Variants in RBFOX1 observed in about 807,000 individuals in gnomAD.
RBFOX1 encodes the protein RNA binding protein fox-1 homolog 1.
A neutral mutation model predicts 57.7 loss-of-function variants in RBFOX1; 8 were observed. The observed-to-expected ratio is 0.14, with a 90% confidence interval of 0.08 to 0.25. The LOEUF (loss-of-function observed/expected upper bound fraction) is 0.25. RBFOX1 is among the 10% of genes least tolerant of loss of function. RBFOX1 has a pLI of 1.00. For missense variants in RBFOX1, 611 were observed against 548.5 expected, an observed-to-expected ratio of 1.11 and a Z score of -1.14; for synonymous variants, 326 against 222.4, an observed-to-expected ratio of 1.47 and a Z score of -4.15.
At chr16:6,347,125 T>G (rs1390390146) in intron 2 of RBFOX1, among the ~76,000 whole-genome samples, 2 of 152,012 alleles carry the variant, frequency 1.3e-5, no homozygotes, top group Non-Finnish European at 2.9e-5. Context: ...TCTTCAAGAG[T>G]AAGTGGGTCT....
intron 1 of RBFOX1, among the ~76,000 whole-genome samples, chr16:5,286,324 G>A (rs1445933123): frequency 2.6e-5 from 4 of 152,096 alleles, no homozygotes; most frequent in Admixed American, 2.6e-4. Flanking sequence ...CTCCTGGGTG[G>A]TGTGTGTGGC....
chr16:6,375,681 G>C (rs976843132), intron 2 of RBFOX1, among the ~76,000 whole-genome samples: 1 of 152,102 alleles, frequency 6.6e-6, no homozygotes, highest in Non-Finnish European at 1.5e-5. Flanking sequence ...TGGGAACCCG[G>C]AGGCGCATCT....
intron 4 of RBFOX1, among the ~76,000 whole-genome samples, chr16:7,071,585 ATATGTGTG>A (rs768133933): frequency 2.5e-5 from 2 of 78,786 alleles, no homozygotes; most frequent in Admixed American, 1.3e-4. Flanking sequence ...ATTTGCCCAG[ATATGTGTG>A]TGTGTGTGTG....
chr16:6,356,866 T>A (rs1274896520), intron 2 of RBFOX1, among the ~76,000 whole-genome samples: 1 of 152,120 alleles, frequency 6.6e-6, no homozygotes, highest in Non-Finnish European at 1.5e-5. Context: ...ATGTGGGAAC[T>A]CTCTGTACTC....
At chr16:7,139,050 T>C (rs1414082994) in intron 4 of RBFOX1, among the ~76,000 whole-genome samples, 3 of 152,080 alleles carry the variant, frequency 2.0e-5, no homozygotes, top group Non-Finnish European at 4.4e-5. Flanking sequence ...GTGATCTGCC[T>C]TCCTTGCCCT....
chr16:7,176,405 G>C (rs1441575938), intron 4 of RBFOX1, among the ~76,000 whole-genome samples: 8 of 152,006 alleles, frequency 5.3e-5, no homozygotes, highest in African/African-American at 1.9e-4. Context: ...ACCACACACA[G>C]TTAAGATATT....
At chr16:5,817,323 A>C (rs1440066238) in intron 3 of RBFOX1, among the ~76,000 whole-genome samples, 1 of 152,194 alleles carries the variant, frequency 6.6e-6, no homozygotes, top group East Asian at 1.9e-4. Context: ...ATTTCTTCTT[A>C]AAGCGAGCTT....
At chr16:6,530,185 G>C (rs533616049) in intron 2 of RBFOX1, among the ~76,000 whole-genome samples, 1 of 152,200 alleles carries the variant, frequency 6.6e-6, no homozygotes, top group South Asian at 2.1e-4. Context: ...TATGACTTTG[G>C]AGCATTTTTT....
chr16:6,353,533 A>C (rs1312542668), intron 2 of RBFOX1, among the ~76,000 whole-genome samples: 2 of 152,024 alleles, frequency 1.3e-5, no homozygotes, highest in Admixed American at 1.3e-4. Context: ...GGATGGTCTC[A>C]GGAGACTTTG....
intron 3 of RBFOX1, among the ~76,000 whole-genome samples, chr16:5,618,080 C>A (rs142983954): frequency 2.1e-4 from 32 of 152,308 alleles, no homozygotes; most frequent in African/African-American, 7.0e-4. Context: ...CTGTGTATCT[C>A]TGGATTACTA....
intron 3 of RBFOX1, among the ~76,000 whole-genome samples, chr16:6,810,279 G>T (rs1040878737): frequency 6.6e-6 from 1 of 151,920 alleles, no homozygotes; most frequent in African/African-American, 2.4e-5. Context: ...GATTCAAATT[G>T]GTCTGTCACT....
intron 4 of RBFOX1, among the ~76,000 whole-genome samples, chr16:5,986,355 C>T (rs1034989277): frequency 2.0e-5 from 3 of 152,202 alleles, no homozygotes; most frequent in African/African-American, 4.8e-5. Context: ...TGAGCCATCG[C>T]GTCCAGACTG....
intron 2 of RBFOX1, among the ~76,000 whole-genome samples, chr16:6,563,149 G>C (rs976474247): frequency 6.6e-5 from 10 of 152,026 alleles, no homozygotes; most frequent in African/African-American, 2.4e-4. Context: ...TACTCAGGTG[G>C]TTCCTGTGTT....
At chr16:6,914,969 C>G (rs1296369183) in intron 3 of RBFOX1, among the ~76,000 whole-genome samples, 1 of 152,196 alleles carries the variant, frequency 6.6e-6, no homozygotes, top group Non-Finnish European at 1.5e-5. Flanking sequence ...TGCCTGCGTA[C>G]TATTATTATT....
At chr16:6,081,451 T>A (rs544201682) in intron 1 of RBFOX1, among the ~76,000 whole-genome samples, 7 of 152,336 alleles carry the variant, frequency 4.6e-5, no homozygotes, top group African/African-American at 1.4e-4. Flanking sequence ...AGGATGCTTC[T>A]GAGCTGAAGA....
intron 1 of RBFOX1, among the ~76,000 whole-genome samples, chr16:6,141,219 G>A (rs930360989): frequency 6.6e-6 from 1 of 152,136 alleles, no homozygotes; most frequent in Admixed American, 6.5e-5. Flanking sequence ...CCTTCTAAAT[G>A]TCAGCCTCTT....
intron 2 of RBFOX1, among the ~76,000 whole-genome samples, chr16:6,494,040 T>G (rs773812053): frequency 1.1e-4 from 16 of 152,110 alleles, no homozygotes; most frequent in Non-Finnish European, 2.1e-4. Flanking sequence ...CATCTGCATT[T>G]AGGCTTTGGC....
At chr16:7,228,793 G>C (rs190894169) in intron 4 of RBFOX1, among the ~76,000 whole-genome samples, 1 of 152,096 alleles carries the variant, frequency 6.6e-6, no homozygotes, top group Admixed American at 6.6e-5. Context: ...TTTATTTTGG[G>C]GGAAAATGGA....
At chr16:6,105,916 A>G (rs2096372756) in intron 1 of RBFOX1, among the ~76,000 whole-genome samples, 1 of 152,064 alleles carries the variant, frequency 6.6e-6, no homozygotes, top group African/African-American at 2.4e-5. Flanking sequence ...AGATAAACTT[A>G]ATGGTCATAG....
Sources: gnomAD v4.1 joint callset for allele counts (sites outside exome capture counted in the v4.1 genomes callset) on GRCh38, gnomAD v4.1.1 for gene constraint, MANE v1.5 for transcripts, NCBI Gene and HGNC (gene_info 2026-07-23, HGNC 2026-07-21) for gene names.